The following SORCS3 variants were observed in gnomAD, a reference collection of about 807,000 sequenced individuals.
SORCS3 encodes sortilin related VPS10 domain containing receptor 3, also known as VPS10 domain-containing receptor SorCS3.
SORCS3 carries 57 observed loss-of-function variants against 146.3 expected under a neutral mutation model. That is an observed-to-expected ratio of 0.39 (90% CI 0.31 to 0.49). SORCS3 has a LOEUF of 0.49. SORCS3 is among the 20% of genes least tolerant of loss of function. The probability of loss-of-function intolerance (pLI) is 0.92; values close to 1 mark genes in which losing one functional copy is unlikely to be tolerated. For synonymous variants in SORCS3, 653 were observed against 618.5 expected (o/e 1.06, Z -0.83); for missense variants, 1,341 against 1,575.5 (o/e 0.85, Z 2.52).
rs566224595 is a variant in SORCS3 at position 104,884,728 on chromosome 10, GA to G, written c.696-31096del. On this transcript the variant is annotated intron_variant, in intron 2 of 26. Coordinates refer to ENST00000369701, the MANE Select transcript of SORCS3 (RefSeq NM_014978.3). ...CTTAACAGAACATTTGGGTTCAAGG[GA>G]AAAAAAAAGACATTTCTAAAATAGT... Among the ~76,000 whole-genome samples the G allele has an allele frequency of 4.8e-3, 715 of 148,860 alleles. 2 individuals are homozygous for G. The highest frequency in any genetic ancestry group is 0.019 in the South Asian group (89 of 4,676).
At chr10:105,004,479 G>T (rs539714918) in intron 4 of SORCS3, among the ~76,000 whole-genome samples, 1 of 152,138 alleles carries the variant, frequency 6.6e-6, no homozygotes. Context: ...AGGGGGTACC[G>T]AACAGCTGAA....
intron 2 of SORCS3, among the ~76,000 whole-genome samples, chr10:104,875,012 A>G (rs151277425): frequency 1.5e-4 from 23 of 152,172 alleles, no homozygotes; most frequent in African/African-American, 5.5e-4. Context: ...ACACTCCTAC[A>G]TTCACTGAAT....
chr10:105,007,799 A>T (rs977585167), intron 4 of SORCS3, among the ~76,000 whole-genome samples: 1 of 152,196 alleles, frequency 6.6e-6, no homozygotes, highest in Non-Finnish European at 1.5e-5. Flanking sequence ...GCATAAAATG[A>T]TGAGTAACCC....
At chr10:105,249,206 G>A (rs1026753641) in intron 22 of SORCS3, among the ~76,000 whole-genome samples, 16 of 152,208 alleles carry the variant, frequency 1.1e-4, no homozygotes, top group African/African-American at 3.9e-4. Context: ...CTATGTAGGA[G>A]AAACACGCTT....
Position 105,147,681 on chromosome 10 carries a change from A to G in SORCS3, c.1367A>G (p.Asn456Ser). The stretch of plus-strand genomic sequence containing the variant: ...GCTGCGGTCCAAGAATGGAACCAGA[A>G]CGACACGTACAACCTCTACATCTCA... The part of the protein sequence containing the change: ...VFAAVQEWNQ[N>S]DTYNLYISDT... The change falls in exon 9 of 27, where the codon AAC becomes AGC. Residue 456 changes from asparagine to serine, a missense_variant. Coordinates refer to ENST00000369701, the MANE Select transcript of SORCS3 (RefSeq NM_014978.3). 1 of 1,613,150 alleles carries G rather than the reference A, an allele frequency of 6.2e-7. No individual in the cohort carries two copies. The highest frequency in any genetic ancestry group is 8.5e-7 in the Non-Finnish European group (1 of 1,179,336).
intron 1 of SORCS3, among the ~76,000 whole-genome samples, chr10:104,700,150 T>A (rs1244654915): frequency 6.6e-6 from 1 of 152,234 alleles, no homozygotes; most frequent in African/African-American, 2.4e-5. Flanking sequence ...TGCTTCCTGA[T>A]CACTTTGTGT....
chr10:104,840,121 A>C (rs1176213557), intron 1 of SORCS3, among the ~76,000 whole-genome samples: 1 of 152,080 alleles, frequency 6.6e-6, no homozygotes, highest in Non-Finnish European at 1.5e-5. Context: ...TGGATTTCAG[A>C]GCACAACAGC....
chr10:105,230,168 C>A (rs2119687880), intron 20 of SORCS3, among the ~76,000 whole-genome samples: 1 of 151,998 alleles, frequency 6.6e-6, no homozygotes, highest in East Asian at 1.9e-4. Flanking sequence ...GCAGTGTGAT[C>A]CCGAGACCCT....
At chr10:105,171,380 C>A (rs1379759538) in intron 13 of SORCS3, among the ~76,000 whole-genome samples, 1 of 152,106 alleles carries the variant, frequency 6.6e-6, no homozygotes, top group East Asian at 1.9e-4. Flanking sequence ...AAACAATGGG[C>A]CCCCACTGAA....
chr10:104,684,714 G>A (rs976732356), intron 1 of SORCS3, among the ~76,000 whole-genome samples: 2 of 145,692 alleles, frequency 1.4e-5, no homozygotes, highest in Non-Finnish European at 3.0e-5. Flanking sequence ...ATATAGTTGA[G>A]GGGAATAAAT....
chr10:105,152,691 C>T (rs1239749604), intron 9 of SORCS3, among the ~76,000 whole-genome samples: 1 of 152,178 alleles, frequency 6.6e-6, no homozygotes, highest in Non-Finnish European at 1.5e-5. Flanking sequence ...AAATTAGTTT[C>T]TTCGTTCCCG....
At chr10:105,162,169 T>G (rs1038903910) in intron 11 of SORCS3, among the ~76,000 whole-genome samples, 11 of 152,180 alleles carry the variant, frequency 7.2e-5, no homozygotes, top group African/African-American at 2.2e-4. Flanking sequence ...TTTTATTTTT[T>G]TAATATTTAA....
At chr10:105,219,823 C>T (rs2056688578) in intron 19 of SORCS3, among the ~76,000 whole-genome samples, 1 of 152,202 alleles carries the variant, frequency 6.6e-6, no homozygotes, top group Admixed American at 6.5e-5. Flanking sequence ...GCCTTGCCTT[C>T]AGGGTATGAC....
intron 1 of SORCS3, among the ~76,000 whole-genome samples, chr10:104,726,577 C>T (rs1418621434): frequency 7.9e-5 from 12 of 151,882 alleles, no homozygotes; most frequent in South Asian, 4.2e-4. Context: ...CACCATATGA[C>T]GACCCCCAGG....
chr10:105,033,220 A>T (rs2692332), intron 4 of SORCS3, among the ~76,000 whole-genome samples: 32,888 of 152,210 alleles, frequency 0.22, 3,920 homozygotes, highest in African/African-American at 0.32. Flanking sequence ...CATGCACAGC[A>T]TACTCAAATG....
intron 6 of SORCS3, among the ~76,000 whole-genome samples, chr10:105,098,658 T>C (rs2055763038): frequency 6.6e-6 from 1 of 152,192 alleles, no homozygotes; most frequent in Non-Finnish European, 1.5e-5. Context: ...ATGATAATAA[T>C]TGTAACTCCC....
chr10:104,776,574 C>G (rs1289507448), intron 1 of SORCS3, among the ~76,000 whole-genome samples: 1 of 152,128 alleles, frequency 6.6e-6, no homozygotes, highest in Non-Finnish European at 1.5e-5. Context: ...AATTAAATGT[C>G]TGTTCTGTGT....
chr10:105,172,460 C>T (rs1288752653), intron 13 of SORCS3, among the ~76,000 whole-genome samples: 1 of 152,136 alleles, frequency 6.6e-6, no homozygotes, highest in African/African-American at 2.4e-5. Flanking sequence ...GTATGTTATT[C>T]CCTTATTCTA....
chr10:104,810,042 C>T (rs576026002), intron 1 of SORCS3, among the ~76,000 whole-genome samples: 6 of 152,174 alleles, frequency 3.9e-5, no homozygotes, highest in African/African-American at 1.2e-4. Context: ...AACATGCTTC[C>T]GACAGAAAGC....
Sources: allele counts gnomAD v4.1 joint callset (sites outside exome capture counted in the v4.1 genomes callset), GRCh38; gene constraint gnomAD v4.1.1; transcripts MANE v1.5; gene names NCBI Gene and HGNC (gene_info 2026-07-23, HGNC 2026-07-21).